ENPEP: variants seen among roughly 807,000 people sequenced by gnomAD.
ENPEP encodes glutamyl aminopeptidase, also known as AP-A.
A neutral mutation model predicts 114.5 loss-of-function variants in ENPEP; 103 were observed. The observed-to-expected ratio is 0.90, with a 90% CI of 0.77 to 1.06. ENPEP has a LOEUF of 1.06. Among genes scored for constraint, ENPEP ranks in the 50% least tolerant of loss-of-function variants. ENPEP has a pLI of 0.00. For synonymous variants in ENPEP, 420 were observed against 422.0 expected, an observed-to-expected ratio of 1.00 and a Z score of 0.06; for missense variants, 1,196 against 1,161.3, an observed-to-expected ratio of 1.03 and a Z score of -0.43.
At chr4:110,550,802 G>A (rs1004118141) in intron 17 of ENPEP, among the ~76,000 whole-genome samples, 8 of 152,026 alleles carry the variant, frequency 5.3e-5, no homozygotes, top group African/African-American at 1.9e-4. Flanking sequence ...CATGGGAGAG[G>A]CAGAATGTAA....
rs1265836933 is a variant in ENPEP, at chr4:110,481,249, T to C, written c.644+4191T>C. On this transcript the variant is annotated intron_variant, in intron 1 of 19. Coordinates refer to ENST00000265162, the MANE Select transcript of ENPEP (RefSeq NM_001977.4). The stretch of plus-strand genomic sequence containing the variant: ...GATTTTGTTTTTAATTATGGAACTT[T>C]TCAGAGACTTTTTTTTTTTTAAAGA... 3.3e-5 allele frequency among the ~76,000 whole-genome samples: 5 copies of C among 152,088 alleles called. No homozygotes were observed. In the East Asian group the frequency reaches 9.6e-4, roughly 29 times the overall value.
At chr4:110,495,444 G>C (rs1724889901) in intron 3 of ENPEP, among the ~76,000 whole-genome samples, 1 of 152,184 alleles carries the variant, frequency 6.6e-6, no homozygotes, top group African/African-American at 2.4e-5. Flanking sequence ...ATGGTGGCCG[G>C]GCGCGGTGGC....
chr4:110,509,074 C>G (rs1725477330), intron 4 of ENPEP, among the ~76,000 whole-genome samples: 1 of 152,136 alleles, frequency 6.6e-6, no homozygotes, highest in Non-Finnish European at 1.5e-5. Flanking sequence ...ACTATAGAAA[C>G]TCCTGTCCAA....
At chr4:110,540,094 A>G (rs1726796113) in intron 11 of ENPEP, among the ~76,000 whole-genome samples, 1 of 152,206 alleles carries the variant, frequency 6.6e-6, no homozygotes, top group Non-Finnish European at 1.5e-5. Context: ...TGGCATAGAT[A>G]GAACTAATAA....
rs1018579614 is a variant in ENPEP, at chr4:110,563,326, A to G, written c.*1768A>G. 5.3e-5 allele frequency: 8 copies of G among 152,294 alleles called. No homozygotes were observed. Among genetic ancestry groups the G allele is most frequent in the East Asian group, 1.9e-4 (1 of 5,186 alleles). The allele number at this position is 152,294 out of a possible 1,614,324, so 9.4% of individuals were successfully genotyped here. ...GGGGTGGTAAATAAAACAGATTTCA[A>G]CTTGCCTACAAGACATTCTATTTCA... On this transcript the variant is annotated 3_prime_UTR_variant, in exon 20 of 20. Transcript: ENST00000265162.
intron 7 of ENPEP, 96 bp downstream of exon 7, chr4:110,513,645 A>G: frequency 6.8e-7 from 1 of 1,476,432 alleles, no homozygotes; most frequent in South Asian, 1.3e-5. Flanking sequence ...ACACTGTGCC[A>G]GTGAGCTTTG....
In ENPEP at chr4:110,503,435, CT is replaced by C. The variant is rs1282180986; in HGVS notation, c.919-3201del. ...GTTATTTTGTCTTTCAGTTCCTGTA[CT>C]GTTATATTGTAATCCTTAGTTTCCT... On this transcript the variant is annotated intron_variant, in intron 3 of 19. Coordinates refer to ENST00000265162, the MANE Select transcript of ENPEP (RefSeq NM_001977.4). 2.6e-5 allele frequency among the ~76,000 whole-genome samples: 4 copies of C among 152,098 alleles called. No individual in the cohort carries two copies. The East Asian group carries it at 7.7e-4, about 29-fold the overall frequency.
chr4:110,531,317 T>TTA, intron 11 of ENPEP, 40 bp downstream of exon 11: 3 of 1,351,940 alleles, frequency 2.2e-6, no homozygotes, highest in Non-Finnish European at 3.0e-6. Flanking sequence ...TTTGAATTGA[T>TTA]GTACCACATT....
chr4:110,517,263 G>A (rs1725815868), intron 8 of ENPEP, among the ~76,000 whole-genome samples: 1 of 152,020 alleles, frequency 6.6e-6, no homozygotes, highest in East Asian at 1.9e-4. Flanking sequence ...TTTAATCAGG[G>A]ACTCTGTCTT....
At position 110,561,743 on chromosome 4, in the gene ENPEP, A is replaced by G; in HGVS notation, c.*185A>G. ...TCTTTGTTTATGAAGAAAGATACTAATAGAGTACTTAATATACTCAGGGAT... is the reference window on the plus strand; with the variant it reads ...TCTTTGTTTATGAAGAAAGATACTAGTAGAGTACTTAATATACTCAGGGAT... On this transcript the variant is annotated 3_prime_UTR_variant, in exon 20 of 20. Coordinates refer to ENST00000265162, the MANE Select transcript of ENPEP (RefSeq NM_001977.4). 1 of 557,420 alleles carries G rather than the reference A, an allele frequency of 1.8e-6. No homozygotes were observed. The highest frequency in any genetic ancestry group is 3.1e-6 in the Non-Finnish European group (1 of 322,612). 34.5% of individuals were successfully genotyped at this position (557,420 alleles called of 1,614,324 possible).
intron 1 of ENPEP, among the ~76,000 whole-genome samples, chr4:110,485,006 G>T (rs1724452761): frequency 6.6e-6 from 1 of 152,038 alleles, no homozygotes; most frequent in African/African-American, 2.4e-5. Flanking sequence ...AGACATTCTT[G>T]CAAGGAGTGA....
chr4:110,500,752 A>G (rs150464272), intron 3 of ENPEP, among the ~76,000 whole-genome samples: 2 of 152,204 alleles, frequency 1.3e-5, no homozygotes, highest in Non-Finnish European at 2.9e-5. Flanking sequence ...TAAAGCAAGC[A>G]CATAAACTAG....
rs780279268 is a variant in ENPEP, at chr4:110,476,958, G to A, written c.544G>A (p.Gly182Arg). The A allele has an allele frequency of 1.1e-5, 18 of 1,614,210 alleles. No individual in the cohort carries two copies. In the Admixed American group the frequency reaches 3.0e-4, roughly 27 times the overall value. Reference sequence around the variant, plus strand: ...GGAGGAAGAGCTTACCCCCAGCAGTGGAGATGGCCTGTATCTCCTGACCAT... The same window carrying A: ...GGAGGAAGAGCTTACCCCCAGCAGTAGAGATGGCCTGTATCTCCTGACCAT... ...EAEEELTPSSGDGLYLLTMEF... is the reference protein window; with the variant it reads ...EAEEELTPSSRDGLYLLTMEF... Residue 182 changes from glycine (G) to arginine (R), a missense_variant, in exon 1 of 20, where the codon GGA becomes AGA. Transcript: ENST00000265162.
intron 14 of ENPEP, 72 bp downstream of exon 14, chr4:110,548,398 G>A: frequency 7.6e-7 from 1 of 1,312,086 alleles, no homozygotes; most frequent in Non-Finnish European, 1.0e-6. Flanking sequence ...CTTTCTGAGA[G>A]AAGGAGCTCT....
intron 1 of ENPEP, among the ~76,000 whole-genome samples, chr4:110,479,396 C>T (rs1724229371): frequency 6.6e-6 from 1 of 151,988 alleles, no homozygotes; most frequent in Non-Finnish European, 1.5e-5. Context: ...TTGTAAATAA[C>T]TATTTATGGA....
At chr4:110,479,854 T>C (rs1724246908) in intron 1 of ENPEP, among the ~76,000 whole-genome samples, 1 of 152,156 alleles carries the variant, frequency 6.6e-6, no homozygotes, top group Non-Finnish European at 1.5e-5. Flanking sequence ...AAATAAAATT[T>C]TACACATATT....
chr4:110,544,013 A>G (rs544205216), intron 13 of ENPEP, among the ~76,000 whole-genome samples: 27 of 152,226 alleles, frequency 1.8e-4, no homozygotes, highest in African/African-American at 6.3e-4. Context: ...GACTAAATAG[A>G]GAGGTGGAAG....
chr4:110,507,634 A>C (rs1361680971), intron 4 of ENPEP, among the ~76,000 whole-genome samples: 1 of 152,224 alleles, frequency 6.6e-6, no homozygotes, highest in Non-Finnish European at 1.5e-5. Flanking sequence ...TTGATTGCTT[A>C]ACAAATGTTA....
Position 110,542,810 on chromosome 4 carries a change from C to G in ENPEP, c.1867C>G (p.His623Asp). ...GNAFLKINPDHIGFYRVNYEV... is the reference protein window; with the variant it reads ...GNAFLKINPDDIGFYRVNYEV... ...TGCTTTTCTCAAAATAAACCCAGAT[C>G]ATATTGGGTTTTATCGTGTAAATTA... Residue 623 changes from histidine to aspartate, a missense_variant, in exon 12 of 20, where the codon CAT (histidine) becomes GAT (aspartate). His to Asp is a moderately conservative substitution (Grantham distance 81). Coordinates refer to ENST00000265162, the MANE Select transcript of ENPEP (RefSeq NM_001977.4). The G allele has an allele frequency of 6.2e-7, 1 of 1,612,468 alleles. No individual in the cohort carries two copies. Among genetic ancestry groups the G allele is most frequent in the Non-Finnish European group, 8.5e-7 (1 of 1,178,758 alleles).
Sources: gnomAD v4.1 joint callset for allele counts (sites outside exome capture counted in the v4.1 genomes callset) on GRCh38, gnomAD v4.1.1 for gene constraint, MANE v1.5 for transcripts, NCBI Gene and HGNC (gene_info 2026-07-23, HGNC 2026-07-21) for gene names.